Variants in DDR2 observed in about 807,000 individuals in gnomAD.
The protein encoded by DDR2 is discoidin domain receptor tyrosine kinase 2, also known as discoidin domain-containing receptor 2.
In DDR2, 27 loss-of-function variants were observed where a neutral mutation model predicts 94.9. That is an observed-to-expected ratio of 0.28 (90% CI 0.21 to 0.39). The LOEUF (loss-of-function observed/expected upper bound fraction) is 0.39, where lower values mean the gene tolerates loss of function less well. Among genes scored for constraint, DDR2 ranks in the 10% least tolerant of loss-of-function variants. DDR2 has a pLI of 1.00. For missense variants in DDR2, 783 were observed against 1,076.0 expected (o/e 0.73, Z 3.81); for synonymous variants, 382 against 377.2 (o/e 1.01, Z -0.15).
chr1:162,751,631 G>A (rs892260310), intron 3 of DDR2, among the ~76,000 whole-genome samples: 10 of 152,172 alleles, frequency 6.6e-5, no homozygotes, highest in African/African-American at 2.2e-4. Context: ...ATTTGACCCA[G>A]CAATCCCATT....
At chr1:162,752,882 G>T (rs1663281824) in intron 3 of DDR2, among the ~76,000 whole-genome samples, 1 of 152,048 alleles carries the variant, frequency 6.6e-6, no homozygotes, top group South Asian at 2.1e-4. Context: ...TTGGCTGGGG[G>T]TCAAATCTCG....
intron 9 of DDR2, among the ~76,000 whole-genome samples, chr1:162,762,360 C>T (rs763789869): frequency 2.6e-5 from 4 of 152,050 alleles, no homozygotes; most frequent in Non-Finnish European, 5.9e-5. Flanking sequence ...TCTTTATAAG[C>T]ATTCTATATA....
chr1:162,688,142 G>A (rs7523930), intron 2 of DDR2, among the ~76,000 whole-genome samples: 2,264 of 152,300 alleles, frequency 0.015, 50 homozygotes, highest in African/African-American at 0.051. Context: ...ATGGGAATAC[G>A]TGAGCGTGCA....
At chr1:162,741,253 G>GTA (rs59432536) in intron 3 of DDR2, among the ~76,000 whole-genome samples, 13,766 of 81,924 alleles carry the variant, frequency 0.17, 1,061 homozygotes, top group East Asian at 0.26. Context: ...ATAGTATAAT[G>GTA]TAATGTAATG....
chr1:162,712,562 G>A (rs964702594), intron 2 of DDR2, among the ~76,000 whole-genome samples: 2 of 152,050 alleles, frequency 1.3e-5, no homozygotes, highest in Admixed American at 6.6e-5. Context: ...CCAGATCCCA[G>A]TGGGGGCAGT....
chr1:162,698,064 T>A (rs1369285438), intron 2 of DDR2, among the ~76,000 whole-genome samples: 2 of 152,214 alleles, frequency 1.3e-5, no homozygotes, highest in Non-Finnish European at 2.9e-5. Context: ...AATCTGCTAA[T>A]CTGTTGGTCA....
intron 3 of DDR2, among the ~76,000 whole-genome samples, chr1:162,736,103 C>T (rs1274135779): frequency 6.6e-6 from 1 of 152,188 alleles, no homozygotes; most frequent in Non-Finnish European, 1.5e-5. Context: ...GGCTCCAGAG[C>T]CTGGCTACAC....
At chr1:162,670,135 G>C (rs796310675) in intron 2 of DDR2, among the ~76,000 whole-genome samples, 3 of 152,306 alleles carry the variant, frequency 2.0e-5, no homozygotes, top group African/African-American at 7.2e-5. Flanking sequence ...TTTTGAGACA[G>C]AGTCTTGCTC....
intron 2 of DDR2, among the ~76,000 whole-genome samples, chr1:162,679,682 G>A (rs12119345): frequency 0.048 from 7,260 of 152,202 alleles, 217 homozygotes; most frequent in South Asian, 0.084. Flanking sequence ...TGGGTCAAAC[G>A]GTAATTCTCC....
At chr1:162,747,380 G>T (rs1050697766) in intron 3 of DDR2, among the ~76,000 whole-genome samples, 2 of 152,084 alleles carry the variant, frequency 1.3e-5, no homozygotes, top group African/African-American at 4.8e-5. Flanking sequence ...GCATGCACAA[G>T]CTTCAGTAGC....
rs1050666367 is a variant in DDR2, at chr1:162,784,668, G to A, written c.*4422G>A. On this transcript the variant is annotated 3_prime_UTR_variant, in exon 18 of 18. Coordinates refer to ENST00000367921, the MANE Select transcript of DDR2 (RefSeq NM_006182.4). ...ATTAGCTGCATTACTTGGTGCCAAA[G>A]AGCAGTGGGGAATTGTTGAGTTGCT... The A allele has an allele frequency of 2.0e-5, 3 of 152,122 alleles. No individual in the cohort carries two copies. The highest frequency in any genetic ancestry group is 7.2e-5 in the African/African-American group (3 of 41,432). The allele number at this position is 152,122 out of a possible 1,614,324, so 9.4% of individuals were successfully genotyped here.
intron 5 of DDR2, 78 bp from the exon 6 acceptor site, chr1:162,755,078 A>C (rs1462791572): frequency 1.9e-6 from 3 of 1,596,860 alleles, no homozygotes; most frequent in Non-Finnish European, 2.6e-6. Flanking sequence ...GAGAGAGTCC[A>C]TCAAAAACGT....
chr1:162,741,430 T>G (rs1296381946), intron 3 of DDR2, among the ~76,000 whole-genome samples: 4 of 151,414 alleles, frequency 2.6e-5, no homozygotes, highest in Admixed American at 2.0e-4. Flanking sequence ...GATTTTGGAT[T>G]TTAGATTTTT....
chr1:162,726,577 T>A (rs1421356293), intron 3 of DDR2, among the ~76,000 whole-genome samples: 1 of 152,144 alleles, frequency 6.6e-6, no homozygotes, highest in Non-Finnish European at 1.5e-5. Flanking sequence ...TTTTCTGTTG[T>A]CAGTAGGGAT....
At position 162,781,171 on chromosome 1, in the gene DDR2, A is replaced by G. The variant is rs1264684016; in HGVS notation, c.*925A>G. On this transcript the variant is annotated 3_prime_UTR_variant, in exon 18 of 18. Coordinates refer to ENST00000367921, the MANE Select transcript of DDR2 (RefSeq NM_006182.4). The stretch of plus-strand genomic sequence containing the variant: ...AATCAGTAAAGTCTGATGTTTTGAT[A>G]TCTTGATGTTTTGATGGTAGACTCT... 6.6e-6 allele frequency: 1 copy of G among 152,200 alleles called. No homozygotes were observed. The highest frequency in any genetic ancestry group is 1.5e-5 in the Non-Finnish European group (1 of 68,048). 9.4% of individuals were successfully genotyped at this position (152,200 alleles called of 1,614,324 possible).
chr1:162,672,340 A>G (rs1200335747), intron 2 of DDR2, among the ~76,000 whole-genome samples: 3 of 152,170 alleles, frequency 2.0e-5, no homozygotes, highest in African/African-American at 4.8e-5. Flanking sequence ...GTCCAGGTAG[A>G]TGCTCTGGCT....
intron 9 of DDR2, among the ~76,000 whole-genome samples, chr1:162,763,382 A>G (rs1169631256): frequency 1.8e-5 from 1 of 55,784 alleles, no homozygotes; most frequent in Non-Finnish European, 3.2e-5. Flanking sequence ...CATTTTTAGT[A>G]AAGACGGGGT....
chr1:162,687,106 GC>G (rs1308016749), intron 2 of DDR2, among the ~76,000 whole-genome samples: 1 of 152,218 alleles, frequency 6.6e-6, no homozygotes, highest in Non-Finnish European at 1.5e-5. Context: ...GCTTTGGGCT[GC>G]TCTGGCCTCT....
intron 3 of DDR2, among the ~76,000 whole-genome samples, chr1:162,735,811 T>C (rs990111288): frequency 9.2e-5 from 14 of 152,242 alleles, no homozygotes; most frequent in African/African-American, 2.9e-4. Context: ...GTAGCTCTGA[T>C]AAAACTCCTT....
Sources: gnomAD v4.1 joint callset for allele counts (sites outside exome capture counted in the v4.1 genomes callset) on GRCh38, gnomAD v4.1.1 for gene constraint, MANE v1.5 for transcripts, NCBI Gene and HGNC (gene_info 2026-07-23, HGNC 2026-07-21) for gene names.